Variants in CNOT2 observed in about 807,000 individuals in gnomAD.
CNOT2 encodes the protein CCR4-NOT transcription complex subunit 2.
CNOT2 carries 7 observed loss-of-function variants against 72.1 expected under a neutral mutation model. The observed-to-expected ratio is 0.10, with a 90% confidence interval of 0.06 to 0.18. The LOEUF is 0.18. CNOT2 is among the 10% of genes least tolerant of loss of function. The pLI, the probability that CNOT2 is intolerant of heterozygous loss-of-function variation, is 1.00. For synonymous variants in CNOT2, 196 were observed against 225.6 expected, an observed-to-expected ratio of 0.87 and a Z score of 1.17; for missense variants, 345 against 660.3, an observed-to-expected ratio of 0.52 and a Z score of 5.23.
intron 2 of CNOT2, among the ~76,000 whole-genome samples, chr12:70,278,979 C>A (rs1869354596): frequency 6.6e-6 from 1 of 152,094 alleles, no homozygotes; most frequent in Non-Finnish European, 1.5e-5. Flanking sequence ...AAGGAAATAT[C>A]CTTTATTCAT....
chr12:70,340,947 G>T (rs1054968768), intron 11 of CNOT2, among the ~76,000 whole-genome samples: 43 of 142,136 alleles, frequency 3.0e-4, no homozygotes, highest in African/African-American at 1.1e-3. Flanking sequence ...CCAGGCTGGA[G>T]TGCAGTGATG....
rs756979338 is a variant in CNOT2, at chr12:70,278,205, T to C, written c.-22T>C. On this transcript the variant is annotated 5_prime_UTR_variant, in exon 2 of 16. Transcript: ENST00000229195. ...AGTTCTATTTGATTGCCTCCGGTAC[T>C]GTGAGGAAAGGACACGACTCTATGG... 1.3e-6 allele frequency: 2 copies of C among 1,598,192 alleles called. No homozygotes were observed. Among genetic ancestry groups the C allele is most frequent in the South Asian group, 1.1e-5 (1 of 90,578 alleles).
chr12:70,273,113 C>T (rs759377010), intron 1 of CNOT2, among the ~76,000 whole-genome samples: 48 of 152,084 alleles, frequency 3.2e-4, no homozygotes, highest in Non-Finnish European at 4.7e-4. Context: ...CTTCTGTCAA[C>T]GCTAAATTTT....
chr12:70,278,116 G>T lies in CNOT2; in HGVS notation c.-95-16G>T. 2 of 696,418 alleles carry T rather than the reference G, an allele frequency of 2.9e-6. No homozygotes were observed. The highest frequency in any genetic ancestry group is 1.8e-5 in the South Asian group (1 of 54,668). The allele number at this position is 696,418 out of a possible 1,614,324, so 43.1% of individuals were successfully genotyped here. The stretch of plus-strand genomic sequence containing the variant: ...ATGTTAGTAATTTTGATGGCTTTTG[G>T]ATAATTCCACTCTAGAGGGAGACGT... On this transcript the variant is annotated splice_polypyrimidine_tract_variant and intron_variant, in intron 1 of 15. Coordinates refer to ENST00000229195, the MANE Select transcript of CNOT2 (RefSeq NM_014515.7).
At chr12:70,284,722 T>C (rs891752022) in intron 2 of CNOT2, among the ~76,000 whole-genome samples, 3 of 152,170 alleles carry the variant, frequency 2.0e-5, no homozygotes, top group African/African-American at 7.2e-5. Context: ...AACCTTTCTT[T>C]GAATGCATTA....
intron 1 of CNOT2, among the ~76,000 whole-genome samples, chr12:70,264,481 C>G (rs1958930378): frequency 6.6e-6 from 1 of 152,298 alleles, no homozygotes; most frequent in Admixed American, 6.5e-5. Context: ...GTGGTAGCCT[C>G]TAGTCTTTTT....
chr12:70,264,005 A>T (rs982129937), intron 1 of CNOT2, among the ~76,000 whole-genome samples: 21 of 152,200 alleles, frequency 1.4e-4, no homozygotes, highest in Non-Finnish European at 2.6e-4. Context: ...TTTCACTTAT[A>T]TATATCTGTT....
chr12:70,303,407 G>T (rs1258392057), intron 2 of CNOT2, among the ~76,000 whole-genome samples: 1 of 152,172 alleles, frequency 6.6e-6, no homozygotes, highest in African/African-American at 2.4e-5. Context: ...TTTAGGGCAG[G>T]CCTGGTGGTG....
In CNOT2 at chr12:70,354,141, A is replaced by T; in HGVS notation, c.*226A>T. On this transcript the variant is annotated 3_prime_UTR_variant, in exon 16 of 16. Coordinates refer to ENST00000229195, the MANE Select transcript of CNOT2 (RefSeq NM_014515.7). Reference sequence around the variant, plus strand: ...TAATTTGTTTTTCTCTAGTTTGAGCAGGGTCTGAATTTTTTCATTTATTTC... The same window carrying T: ...TAATTTGTTTTTCTCTAGTTTGAGCTGGGTCTGAATTTTTTCATTTATTTC... 2.4e-6 allele frequency: 2 copies of T among 821,666 alleles called. No homozygotes were observed. Among genetic ancestry groups the T allele is most frequent in the East Asian group, 6.3e-5 (2 of 31,554 alleles). The allele number at this position is 821,666 out of a possible 1,614,324, so 50.9% of individuals were successfully genotyped here. A position where few individuals can be genotyped will look rare whatever the true frequency, so the allele number is the denominator to read the frequency against.
chr12:70,249,809 TAAC>T (rs112938571), intron 1 of CNOT2, among the ~76,000 whole-genome samples: 30 of 152,218 alleles, frequency 2.0e-4, no homozygotes, highest in African/African-American at 7.2e-4. Flanking sequence ...GAATAGGTAA[TAAC>T]ATATCATTGA....
At chr12:70,308,683 A>C (rs1875919098) in intron 2 of CNOT2, among the ~76,000 whole-genome samples, 1 of 151,684 alleles carries the variant, frequency 6.6e-6, no homozygotes, top group Non-Finnish European at 1.5e-5. Context: ...ACATATGTTT[A>C]ATTTTGCCTT....
chr12:70,249,022 T>TA (rs1958018119), intron 1 of CNOT2, among the ~76,000 whole-genome samples: 4 of 152,086 alleles, frequency 2.6e-5, no homozygotes, highest in Admixed American at 2.6e-4. Context: ...AACATATTGA[T>TA]ATACTATTTT....
At chr12:70,265,273 TTCTTCTCTTCTCTTCTCTTC>T (rs1555188161) in intron 1 of CNOT2, among the ~76,000 whole-genome samples, 231 of 125,466 alleles carry the variant, frequency 1.8e-3, no homozygotes, top group African/African-American at 5.5e-3. Flanking sequence ...TTCGTTTTGT[TTCTTCTCTTCTCTTCTCTTC>T]TCTTCTCTTC....
intron 2 of CNOT2, among the ~76,000 whole-genome samples, chr12:70,279,825 T>C (rs1232620580): frequency 6.6e-6 from 1 of 152,182 alleles, no homozygotes; most frequent in Non-Finnish European, 1.5e-5. Flanking sequence ...AGAATTATGT[T>C]TTATACATGA....
intron 1 of CNOT2, among the ~76,000 whole-genome samples, chr12:70,267,416 C>A (rs909914242): frequency 6.6e-6 from 1 of 152,152 alleles, no homozygotes; most frequent in Admixed American, 6.5e-5. Context: ...TGTACTTAAT[C>A]GCTCCTTTCT....
chr12:70,294,582 A>G (rs1565778677), intron 2 of CNOT2, among the ~76,000 whole-genome samples: 1 of 152,142 alleles, frequency 6.6e-6, no homozygotes, highest in African/African-American at 2.4e-5. Context: ...CACAGTGTAT[A>G]TAGCAGGTCC....
chr12:70,264,311 T>A (rs1344760718), intron 1 of CNOT2, among the ~76,000 whole-genome samples: 2 of 152,230 alleles, frequency 1.3e-5, no homozygotes, highest in South Asian at 2.1e-4. Context: ...AGTTGCTTAC[T>A]GCCCAAATCT....
intron 4 of CNOT2, 103 bp from the exon 5 acceptor site, chr12:70,329,320 A>G (rs1007299994): frequency 1.5e-5 from 12 of 810,504 alleles, no homozygotes; most frequent in Non-Finnish European, 2.5e-5. Flanking sequence ...TTTGCGTACT[A>G]TGTTAGGTCA....
At chr12:70,337,557 C>T (rs1012339382) in intron 9 of CNOT2, 44 bp downstream of exon 9, 22 of 1,579,784 alleles carry the variant, frequency 1.4e-5, no homozygotes, top group East Asian at 2.2e-5. Context: ...TAGTTTTTCC[C>T]TTCAGATTTC....
Sources: allele counts gnomAD v4.1 joint callset (sites outside exome capture counted in the v4.1 genomes callset), GRCh38; gene constraint gnomAD v4.1.1; transcripts MANE v1.5; gene names NCBI Gene and HGNC (gene_info 2026-07-23, HGNC 2026-07-21).